ZMYND12: variants seen among roughly 807,000 people sequenced by gnomAD.
The protein encoded by ZMYND12 is zinc finger MYND domain-containing protein 12.
ZMYND12 carries 32 observed loss-of-function variants against 41.7 expected under a neutral mutation model. That is an observed-to-expected ratio of 0.77 (90% CI 0.58 to 1.03). The LOEUF (loss-of-function observed/expected upper bound fraction) is 1.03, where lower values mean the gene tolerates loss of function less well. Among genes scored for constraint, ZMYND12 ranks in the 50% least tolerant of loss-of-function variants. ZMYND12 has a pLI of 0.00. For missense variants in ZMYND12, 424 were observed against 438.5 expected (o/e 0.97, Z 0.30); for synonymous variants, 148 against 164.8 (o/e 0.90, Z 0.78).
intron 1 of ZMYND12, among the ~76,000 whole-genome samples, chr1:42,454,772 C>T (rs1442951274): frequency 1.3e-5 from 2 of 150,894 alleles, no homozygotes; most frequent in Non-Finnish European, 2.9e-5. Flanking sequence ...GGAGCGATCT[C>T]GGCTCACTGC....
Position 42,430,673 on chromosome 1 carries a change from G to A in ZMYND12, c.*63C>T. The A allele has an allele frequency of 6.3e-7, 1 of 1,592,878 alleles. No homozygotes were observed. The highest frequency in any genetic ancestry group is 2.2e-5 in the East Asian group (1 of 44,452). ...CAGTACCTCAAAGCAGTTGTGCAAGGCTGGAATATATTAGATCTTCAGTAG... is the reference window on the plus strand; with the variant it reads ...CAGTACCTCAAAGCAGTTGTGCAAGACTGGAATATATTAGATCTTCAGTAG... On this transcript the variant is annotated 3_prime_UTR_variant, in exon 8 of 8. Coordinates refer to ENST00000372565, the MANE Select transcript of ZMYND12 (RefSeq NM_032257.5).
At chr1:42,445,762 T>A (rs1037209959) in intron 3 of ZMYND12, among the ~76,000 whole-genome samples, 2 of 151,972 alleles carry the variant, frequency 1.3e-5, no homozygotes, top group African/African-American at 4.8e-5. Context: ...CTTTAGAAAT[T>A]TGATCTTTAT....
chr1:42,442,345 G>T (rs1013138561), intron 3 of ZMYND12, among the ~76,000 whole-genome samples: 2 of 152,134 alleles, frequency 1.3e-5, no homozygotes, highest in Non-Finnish European at 2.9e-5. Flanking sequence ...GTGAACTAAA[G>T]AGGAGGAGAT....
intron 2 of ZMYND12, 40 bp from the exon 3 acceptor site, chr1:42,448,678 G>C (rs1643049589): frequency 1.9e-6 from 3 of 1,552,902 alleles, no homozygotes; most frequent in South Asian, 2.4e-5. Flanking sequence ...ACAGTCTAAA[G>C]TTAAAGGCAA....
chr1:42,437,440 CTGTGTGTGTGTGTGTGTG>C, intron 4 of ZMYND12, among the ~76,000 whole-genome samples: 1 of 144,506 alleles, frequency 6.9e-6, no homozygotes, highest in Non-Finnish European at 1.5e-5. Context: ...CAATAAAGCT[CTGTGTGTGTGTGTGTGTG>C]TGTGTGTGTG....
intron 7 of ZMYND12, 94 bp from the exon 8 acceptor site, chr1:42,430,952 GAA>G (rs1490493405): frequency 6.6e-7 from 1 of 1,526,716 alleles, no homozygotes; most frequent in Non-Finnish European, 8.9e-7. Flanking sequence ...ACATGAGAGA[GAA>G]CTGACCACCT....
intron 1 of ZMYND12, among the ~76,000 whole-genome samples, chr1:42,453,951 T>C (rs1643113963): frequency 6.6e-6 from 1 of 152,106 alleles, no homozygotes; most frequent in African/African-American, 2.4e-5. Context: ...CACAATAATA[T>C]AAAAGTACAG....
chr1:42,447,283 G>C (rs1205095558), intron 3 of ZMYND12, among the ~76,000 whole-genome samples: 2 of 152,140 alleles, frequency 1.3e-5, no homozygotes, highest in Admixed American at 6.5e-5. Context: ...TACTGTTTTT[G>C]CCAAAAATCC....
intron 3 of ZMYND12, among the ~76,000 whole-genome samples, chr1:42,442,134 G>T (rs1398925062): frequency 6.6e-6 from 1 of 152,092 alleles, no homozygotes; most frequent in Non-Finnish European, 1.5e-5. Context: ...AGGGCTTAGT[G>T]AGTTATACCA....
At chr1:42,432,820 C>T (rs1642866762) in intron 7 of ZMYND12, 1 of 257,806 alleles carries the variant, frequency 3.9e-6, no homozygotes, top group East Asian at 9.1e-5. Context: ...ACAGGGAACT[C>T]AGTAACTGAG....
chr1:42,454,970 G>C (rs1242083371), intron 1 of ZMYND12, among the ~76,000 whole-genome samples: 1 of 152,124 alleles, frequency 6.6e-6, no homozygotes, highest in Non-Finnish European at 1.5e-5. Flanking sequence ...ATTCAGGTAG[G>C]ATTAACCTGA....
chr1:42,456,006 C>G lies in ZMYND12; in HGVS notation c.-9G>C, dbSNP rs1643171445. 2 of 1,603,106 alleles carry G rather than the reference C, an allele frequency of 1.2e-6. No individual in the cohort carries two copies. Reference sequence around the variant, plus strand: ...GGGTAGATCACATTCATGGTGCAGCCAGCAGTGCTGGTCTCTAAGACGGTT... The same window carrying G: ...GGGTAGATCACATTCATGGTGCAGCGAGCAGTGCTGGTCTCTAAGACGGTT... On this transcript the variant is annotated 5_prime_UTR_variant, in exon 1 of 8. Transcript: ENST00000372565.
intron 6 of ZMYND12, among the ~76,000 whole-genome samples, chr1:42,434,090 C>A (rs528979845): frequency 1.2e-4 from 19 of 152,326 alleles, no homozygotes; most frequent in African/African-American, 4.6e-4. Context: ...GCTGTCCTCA[C>A]CTCTTCATTC....
At chr1:42,455,853 G>T in intron 1 of ZMYND12, 35 bp downstream of exon 1, 1 of 1,522,172 alleles carries the variant, frequency 6.6e-7, no homozygotes, top group Non-Finnish European at 9.0e-7. Context: ...GAGGGAGGGA[G>T]TTATAGCGCC....
At chr1:42,448,994 C>T (rs1017087165) in intron 2 of ZMYND12, among the ~76,000 whole-genome samples, 10 of 152,214 alleles carry the variant, frequency 6.6e-5, no homozygotes, top group Admixed American at 2.0e-4. Flanking sequence ...AACTTTCTGC[C>T]TTCCTAGTTG....
intron 4 of ZMYND12, among the ~76,000 whole-genome samples, chr1:42,437,400 C>T (rs562740102): frequency 1.6e-4 from 24 of 150,610 alleles, no homozygotes; most frequent in Admixed American, 9.9e-4. Flanking sequence ...TAATTGTACA[C>T]GTAAAATGGG....
chr1:42,433,402 G>T, intron 6 of ZMYND12, 114 bp from the exon 7 acceptor site: 1 of 1,242,980 alleles, frequency 8.0e-7, no homozygotes, highest in Non-Finnish European at 1.1e-6. Context: ...CAAGGGCACT[G>T]GTGGAAATAG....
At chr1:42,448,176 G>T (rs566496409) in intron 3 of ZMYND12, among the ~76,000 whole-genome samples, 1 of 152,168 alleles carries the variant, frequency 6.6e-6, no homozygotes. Context: ...AAGAGAGAAC[G>T]AAAGGCACTC....
intron 3 of ZMYND12, 78 bp from the exon 4 acceptor site, chr1:42,440,103 T>C (rs893270258): frequency 4.2e-6 from 6 of 1,434,790 alleles, no homozygotes; most frequent in Middle Eastern, 1.9e-4. Flanking sequence ...TCATTACCCA[T>C]TCACTCATGT....
Sources: gnomAD v4.1 joint callset for allele counts (sites outside exome capture counted in the v4.1 genomes callset) on GRCh38, gnomAD v4.1.1 for gene constraint, MANE v1.5 for transcripts, NCBI Gene and HGNC (gene_info 2026-07-23, HGNC 2026-07-21) for gene names.